Variants in GBF1 observed in about 807,000 individuals in gnomAD.
GBF1 encodes the protein Golgi-specific brefeldin A-resistance guanine nucleotide exchange factor 1.
GBF1 carries 114 observed loss-of-function variants against 210.5 expected under a neutral mutation model. That is an observed-to-expected ratio of 0.54 (90% CI 0.47 to 0.63). The LOEUF (loss-of-function observed/expected upper bound fraction) is 0.63, where lower values mean the gene tolerates loss of function less well. Ranked by LOEUF, GBF1 falls within the 30% of genes least tolerant of loss-of-function variation. The pLI, the probability that GBF1 is intolerant of heterozygous loss-of-function variation, is 0.00. For synonymous variants in GBF1, 850 were observed against 889.2 expected (o/e 0.96, Z 0.78); for missense variants, 1,851 against 2,357.7 (o/e 0.79, Z 4.45).
At chr10:102,321,429 C>T (rs2056381541) in intron 3 of GBF1, among the ~76,000 whole-genome samples, 1 of 152,188 alleles carries the variant, frequency 6.6e-6, no homozygotes, top group Admixed American at 6.5e-5. Context: ...CACCTAACAT[C>T]CCATTTATTG....
At chr10:102,270,223 G>A (rs1169818992) in intron 3 of GBF1, among the ~76,000 whole-genome samples, 2 of 151,178 alleles carry the variant, frequency 1.3e-5, no homozygotes, top group African/African-American at 2.4e-5. Context: ...AGGCTGGAGT[G>A]TAGTGGCGCA....
intron 3 of GBF1, among the ~76,000 whole-genome samples, chr10:102,276,965 TACACAC>T (rs112061268): frequency 4.2e-4 from 63 of 148,734 alleles, no homozygotes; most frequent in African/African-American, 1.1e-3. Flanking sequence ...TTTTGCTACT[TACACAC>T]ACACACACAC....
At position 102,366,331 on chromosome 10, in the gene GBF1, G is replaced by C; in HGVS notation, c.2310-52G>C. On this transcript the variant is annotated intron_variant, in intron 18 of 39. Transcript: ENST00000369983. This position sits in a 1 kb window ranked among gnomAD's most constrained non-coding sequence, Gnocchi z 4.0. ...AGGAGGACAGTGACTAAAAGAGCCT[G>C]ACATGTGCAGCTTACACATTTTCAG... 1 of 1,606,186 alleles carries C rather than the reference G, an allele frequency of 6.2e-7. No homozygotes were observed. Among genetic ancestry groups the C allele is most frequent in the Non-Finnish European group, 8.5e-7 (1 of 1,173,516 alleles).
intron 3 of GBF1, among the ~76,000 whole-genome samples, chr10:102,316,857 T>C (rs2078978519): frequency 6.6e-6 from 1 of 152,204 alleles, no homozygotes; most frequent in South Asian, 2.1e-4. Flanking sequence ...TACAAAATAA[T>C]ATTCACTGAA....
chr10:102,353,456 A>T (rs1173992155), intron 7 of GBF1, 144 bp from the exon 8 acceptor site: 7 of 702,486 alleles, frequency 1.0e-5, no homozygotes, highest in Non-Finnish European at 1.6e-5. Context: ...TCTGAAAAGG[A>T]TGAAATTAGT....
At position 102,379,381 on chromosome 10, in the gene GBF1, T is replaced by C. The variant is rs1256454889; in HGVS notation, c.4592T>C (p.Ile1531Thr). 6.2e-7 allele frequency: 1 copy of C among 1,613,952 alleles called. No homozygotes were observed. The highest frequency in any genetic ancestry group is 1.1e-5 in the South Asian group (1 of 91,064). Residue 1531 changes from isoleucine (I) to threonine (T), a missense_variant, in exon 34 of 40, where the codon ATT (isoleucine) becomes ACT (threonine). Transcript: ENST00000369983. ...QRHLETGGQK[I>T]EADSRTLWAH... Reference sequence around the variant, plus strand: ...CACCTGGAGACAGGTGGCCAGAAGATTGAAGCTGATTCTCGCACCCTCTGG... The same window carrying C: ...CACCTGGAGACAGGTGGCCAGAAGACTGAAGCTGATTCTCGCACCCTCTGG...
intron 3 of GBF1, among the ~76,000 whole-genome samples, chr10:102,280,374 G>T (rs1361300980): frequency 1.3e-5 from 2 of 152,044 alleles, no homozygotes; most frequent in Non-Finnish European, 2.9e-5. Context: ...GATGAGATGG[G>T]GTGAATGAAA....
intron 8 of GBF1, among the ~76,000 whole-genome samples, chr10:102,354,794 C>T (rs946375533): frequency 2.0e-5 from 3 of 152,138 alleles, no homozygotes; most frequent in African/African-American, 7.2e-5. Flanking sequence ...CAAGACCCTT[C>T]CCCCTTCTAC....
rs1589497097 is a variant in GBF1, at chr10:102,288,114, A to G, written c.163+27998A>G. On this transcript the variant is annotated intron_variant, in intron 3 of 39. Coordinates refer to ENST00000369983, the MANE Select transcript of GBF1 (RefSeq NM_001377137.1). ...ACTTTCCGTTTTTCTAAAGCAAGCCAGTAAGCATGATCGATCTACCTCCTC... is the reference window on the plus strand; with the variant it reads ...ACTTTCCGTTTTTCTAAAGCAAGCCGGTAAGCATGATCGATCTACCTCCTC... 5.3e-5 allele frequency among the ~76,000 whole-genome samples: 8 copies of G among 152,308 alleles called. 2 individuals carry two copies. Among genetic ancestry groups the G allele is most frequent in the Admixed American group, 5.2e-4 (8 of 15,300 alleles).
In GBF1 at chr10:102,366,561, G is replaced by T. The variant is rs1412626395; in HGVS notation, c.2433+55G>T. 4.0e-6 allele frequency: 6 copies of T among 1,497,740 alleles called. No individual in the cohort carries two copies. Among genetic ancestry groups the T allele is most frequent in the Non-Finnish European group, 5.5e-6 (6 of 1,091,234 alleles). The allele number at this position is 1,497,740 out of a possible 1,614,324, so 92.8% of individuals were successfully genotyped here. A position where few individuals can be genotyped will look rare whatever the true frequency, so the allele number is the denominator to read the frequency against. ...GGATCCAAGGTCAGTTTGACTGAGG[G>T]CTGAAGAATCCAGCTGCTGTCTCTT... On this transcript the variant is annotated intron_variant, in intron 19 of 39. Coordinates refer to ENST00000369983, the MANE Select transcript of GBF1 (RefSeq NM_001377137.1). This position sits in a 1 kb window ranked among gnomAD's most constrained non-coding sequence, Gnocchi z 4.0.
chr10:102,365,916 C>G (rs1427788171), intron 18 of GBF1, among the ~76,000 whole-genome samples: 1 of 148,506 alleles, frequency 6.7e-6, no homozygotes, highest in African/African-American at 2.6e-5. Context: ...GATCATGCCA[C>G]TGTGATAGAG....
intron 3 of GBF1, among the ~76,000 whole-genome samples, chr10:102,277,392 CTTT>C (rs35430312): frequency 2.2e-5 from 3 of 136,998 alleles, no homozygotes; most frequent in Non-Finnish European, 3.2e-5. Flanking sequence ...TACATTGTGA[CTTT>C]TTTTTTTTTT....
intron 3 of GBF1, among the ~76,000 whole-genome samples, chr10:102,286,499 A>G (rs117699237): frequency 2.6e-5 from 4 of 152,326 alleles, no homozygotes; most frequent in East Asian, 1.9e-4. Flanking sequence ...CTTTGCTGGA[A>G]TGCAAATTGG....
At chr10:102,340,335 C>G (rs984920172) in intron 3 of GBF1, among the ~76,000 whole-genome samples, 1 of 145,878 alleles carries the variant, frequency 6.9e-6, no homozygotes, top group Non-Finnish European at 1.5e-5. Flanking sequence ...TGCAGTGGCA[C>G]GATCTCCGCT....
intron 23 of GBF1, 118 bp downstream of exon 23, chr10:102,368,950 C>T: frequency 1.4e-6 from 1 of 706,162 alleles, no homozygotes; most frequent in Non-Finnish European, 2.5e-6. Flanking sequence ...ACTGCCCCCA[C>T]TTGAATATAC....
chr10:102,230,952 C>A, the GBF1 span: 1 of 1,607,954 alleles, frequency 6.2e-7, no homozygotes, highest in East Asian at 2.2e-5. Context: ...GAGCCTTGGG[C>A]GGCCAGTTGC....
At chr10:102,235,184 C>CCCCCG in the GBF1 span, among the ~76,000 whole-genome samples, 1 of 143,126 alleles carries the variant, frequency 7.0e-6, no homozygotes, top group Non-Finnish European at 1.5e-5. Flanking sequence ...CCCCCACCCC[C>CCCCCG]CCACCGCCTC....
chr10:102,369,178 C>T (rs1277052066), intron 23 of GBF1, 33 bp from the exon 24 acceptor site: 16 of 1,512,772 alleles, frequency 1.1e-5, no homozygotes, highest in Middle Eastern at 1.7e-4. Context: ...GACATTAGCT[C>T]GGCCTTAAGT....
At chr10:102,241,614 C>CTGGGGCTCCGCCCTTTCCAGCTG (rs2133819413), upstream of GBF1, 1 of 152,548 alleles carries the variant, frequency 6.6e-6, no homozygotes, top group East Asian at 1.9e-4. This position sits in a 1 kb window ranked among gnomAD's most constrained non-coding sequence, Gnocchi z 6.7. Context: ...AGCTGCCCTG[C>CTGGGGCTCCGCCCTTTCCAGCTG]TGGGGCTCCG....
Sources: allele counts gnomAD v4.1 joint callset (sites outside exome capture counted in the v4.1 genomes callset), GRCh38; gene constraint gnomAD v4.1.1; non-coding constraint Gnocchi (gnomAD v3.1); transcripts MANE v1.5; gene names NCBI Gene and HGNC (gene_info 2026-07-23, HGNC 2026-07-21).